RFX6: variants seen among roughly 807,000 people sequenced by gnomAD.
RFX6 encodes the protein DNA-binding protein RFX6.
In RFX6, 50 loss-of-function variants were observed where a neutral mutation model predicts 110.8. The ratio of observed to expected loss-of-function variants is 0.45; its 90% CI spans 0.36 to 0.57. The LOEUF (loss-of-function observed/expected upper bound fraction) is 0.57, where lower values mean the gene tolerates loss of function less well. RFX6 is among the 20% of genes least tolerant of loss of function. The pLI is 0.00. For synonymous variants in RFX6, 383 were observed against 411.2 expected (o/e 0.93, Z 0.83); for missense variants, 990 against 1,127.0 (o/e 0.88, Z 1.74).
intron 6 of RFX6, among the ~76,000 whole-genome samples, chr6:116,902,786 A>G (rs1439805662): frequency 6.6e-6 from 1 of 152,076 alleles, no homozygotes. Flanking sequence ...CAAGATAAAT[A>G]TCAAATCCTC....
chr6:116,903,947 T>G (rs1304325804), intron 6 of RFX6, among the ~76,000 whole-genome samples: 1 of 151,998 alleles, frequency 6.6e-6, no homozygotes, highest in Non-Finnish European at 1.5e-5. Flanking sequence ...CAAGATATAC[T>G]CATCTTTAAC....
chr6:116,884,189 C>G (rs1423283995), intron 4 of RFX6, among the ~76,000 whole-genome samples: 1 of 152,170 alleles, frequency 6.6e-6, no homozygotes, highest in East Asian at 1.9e-4. Flanking sequence ...TCTTGAACTT[C>G]TTCCTTTAGA....
At chr6:116,926,774 A>G (rs1469247465) in intron 16 of RFX6, among the ~76,000 whole-genome samples, 1 of 152,162 alleles carries the variant, frequency 6.6e-6, no homozygotes. Flanking sequence ...CTGTGGAGAA[A>G]CCATGAAGCC....
chr6:116,913,142 G>A (rs183466903), intron 7 of RFX6, among the ~76,000 whole-genome samples: 12 of 152,070 alleles, frequency 7.9e-5, no homozygotes, highest in South Asian at 6.2e-4. Flanking sequence ...CTCGGCTCAC[G>A]GCAACCTTTG....
At chr6:116,890,565 G>A (rs1044266834) in intron 4 of RFX6, among the ~76,000 whole-genome samples, 1 of 152,010 alleles carries the variant, frequency 6.6e-6, no homozygotes, top group African/African-American at 2.4e-5. Flanking sequence ...CTATCTCCTG[G>A]CATGTATATA....
In RFX6 at chr6:116,897,150, GT is replaced by G. The variant is rs143602223; in HGVS notation, c.672+1946del. On this transcript the variant is annotated intron_variant, in intron 6 of 18. Transcript: ENST00000332958. The stretch of plus-strand genomic sequence containing the variant: ...GGAAATAACTCAGAATATAGTGGTA[GT>G]TTGGAGGAGGAGTGGAGTAGGGGAA... Among the ~76,000 whole-genome samples the G allele has an allele frequency of 1.5e-3, 228 of 152,304 alleles. 1 individual carries two copies. Among genetic ancestry groups the G allele is most frequent in the African/African-American group, 5.4e-3 (223 of 41,570 alleles).
At chr6:116,891,980 C>CT (rs1774840718) in intron 4 of RFX6, among the ~76,000 whole-genome samples, 1 of 151,734 alleles carries the variant, frequency 6.6e-6, no homozygotes, top group Non-Finnish European at 1.5e-5. Context: ...TATGATGGTC[C>CT]TTTTTTCAGG....
chr6:116,899,066 T>C (rs1775011381), intron 6 of RFX6, among the ~76,000 whole-genome samples: 1 of 152,126 alleles, frequency 6.6e-6, no homozygotes, highest in Non-Finnish European at 1.5e-5. Context: ...ACAGTCTTTG[T>C]GGAAGACAAG....
At chr6:116,929,850 A>G (rs1775843352) in intron 18 of RFX6, among the ~76,000 whole-genome samples, 1 of 152,186 alleles carries the variant, frequency 6.6e-6, no homozygotes, top group African/African-American at 2.4e-5. Flanking sequence ...AATGAAATCA[A>G]TTTCATCTCT....
intron 13 of RFX6, among the ~76,000 whole-genome samples, chr6:116,922,554 G>C (rs571070901): frequency 6.1e-4 from 93 of 152,192 alleles, no homozygotes; most frequent in African/African-American, 2.2e-3. Flanking sequence ...AATTCCAAAA[G>C]CTCAATATTT....
rs1775671041 is a variant in RFX6 at position 116,924,707 on chromosome 6, A to C, written c.1594A>C (p.Ile532Leu). ...HLIRMLLDEY[I>L]LLAMETQFNN... ...GATTCGAATGCTTCTCGATGAATAC[A>C]TTCTCCTGGCCATGGAGACCCAGTT... is the stretch of plus-strand genomic sequence containing the variant. Residue 532 changes from isoleucine to leucine, a missense_variant, in exon 15 of 19, where the codon ATT becomes CTT. Transcript: ENST00000332958. The C allele has an allele frequency of 1.2e-5, 20 of 1,607,790 alleles. No homozygotes were observed. Among genetic ancestry groups the C allele is most frequent in the Non-Finnish European group, 1.7e-5 (20 of 1,174,290 alleles).
At chr6:116,924,520 C>T (rs746621853) in intron 14 of RFX6, 149 bp from the exon 15 acceptor site, 26 of 748,950 alleles carry the variant, frequency 3.5e-5, no homozygotes, top group Non-Finnish European at 5.8e-5. Flanking sequence ...CATTTAAAGT[C>T]CAACAAGTAT....
chr6:116,922,822 G>A (rs1035862346), intron 13 of RFX6, among the ~76,000 whole-genome samples: 2 of 151,836 alleles, frequency 1.3e-5, no homozygotes, highest in African/African-American at 4.8e-5. Flanking sequence ...TTAAAGCTCT[G>A]TCAAAGAAAA....
At chr6:116,880,200 A>G (rs1481830692) in intron 2 of RFX6, among the ~76,000 whole-genome samples, 1 of 152,044 alleles carries the variant, frequency 6.6e-6, no homozygotes, top group Non-Finnish European at 1.5e-5. Flanking sequence ...AAAAATACCC[A>G]TCATCTTCAA....
chr6:116,892,557 G>A (rs1472792208), intron 4 of RFX6, among the ~76,000 whole-genome samples: 1 of 152,218 alleles, frequency 6.6e-6, no homozygotes, highest in African/African-American at 2.4e-5. Context: ...TGATGCAGAT[G>A]CAGCTGGATC....
intron 3 of RFX6, among the ~76,000 whole-genome samples, chr6:116,880,925 AG>A (rs1395545460): frequency 6.6e-6 from 1 of 152,094 alleles, no homozygotes; most frequent in Non-Finnish European, 1.5e-5. Flanking sequence ...GCCTTCAAAG[AG>A]GGATGCATTA....
chr6:116,910,338 T>C (rs1030993844), intron 6 of RFX6, among the ~76,000 whole-genome samples: 4 of 152,176 alleles, frequency 2.6e-5, no homozygotes, highest in African/African-American at 9.7e-5. Flanking sequence ...TCTAATTTTC[T>C]GAAAATAGCT....
chr6:116,910,906 G>C, intron 6 of RFX6, 29 bp from the exon 7 acceptor site: 2 of 1,375,362 alleles, frequency 1.5e-6, no homozygotes, highest in South Asian at 2.3e-5. Flanking sequence ...TGATAATGAT[G>C]TATTTGTTTT....
intron 4 of RFX6, among the ~76,000 whole-genome samples, chr6:116,893,067 C>A (rs1271022723): frequency 6.6e-6 from 1 of 152,038 alleles, no homozygotes; most frequent in Non-Finnish European, 1.5e-5. Context: ...CACTGGAAAT[C>A]CCCTCATTCT....
Sources: allele counts gnomAD v4.1 joint callset (sites outside exome capture counted in the v4.1 genomes callset), GRCh38; gene constraint gnomAD v4.1.1; transcripts MANE v1.5; gene names NCBI Gene and HGNC (gene_info 2026-07-23, HGNC 2026-07-21).